LPP: variants seen among roughly 807,000 people sequenced by gnomAD.
LPP encodes lipoma-preferred partner.
Under a neutral mutation model 60.4 loss-of-function variants are expected in LPP, and 38 were observed. The observed-to-expected ratio is 0.63, with a 90% confidence interval of 0.49 to 0.83. The LOEUF (loss-of-function observed/expected upper bound fraction) is 0.83. LPP is among the 40% of genes least tolerant of loss of function. The probability of loss-of-function intolerance (pLI) is 0.00; values close to 1 mark genes in which losing one functional copy is unlikely to be tolerated. For synonymous variants in LPP, 328 were observed against 290.8 expected, an observed-to-expected ratio of 1.13 and a Z score of -1.30; for missense variants, 902 against 783.6, an observed-to-expected ratio of 1.15 and a Z score of -1.80.
At chr3:188,677,274 A>T (rs1046519469) in intron 7 of LPP, among the ~76,000 whole-genome samples, 1 of 152,188 alleles carries the variant, frequency 6.6e-6, no homozygotes, top group African/African-American at 2.4e-5. Context: ...AGCTAATACA[A>T]TTATGTTACT....
intron 6 of LPP, among the ~76,000 whole-genome samples, chr3:188,591,810 T>C (rs1838775645): frequency 6.6e-6 from 1 of 152,240 alleles, no homozygotes; most frequent in Non-Finnish European, 1.5e-5. Flanking sequence ...GACTGGTCTT[T>C]GATATTTAAT....
intron 7 of LPP, among the ~76,000 whole-genome samples, chr3:188,647,328 G>T (rs912894711): frequency 6.6e-6 from 1 of 152,146 alleles, no homozygotes; most frequent in Non-Finnish European, 1.5e-5. Context: ...TGCGGTGCCT[G>T]ATGGAAAGTG....
At chr3:188,854,066 A>G (rs755692586) in intron 9 of LPP, among the ~76,000 whole-genome samples, 4 of 152,314 alleles carry the variant, frequency 2.6e-5, no homozygotes, top group Non-Finnish European at 5.9e-5. Context: ...CTGAAATCCA[A>G]AAAAGACTGC....
intron 2 of LPP, among the ~76,000 whole-genome samples, chr3:188,278,572 G>T (rs901310553): frequency 6.6e-6 from 1 of 152,052 alleles, no homozygotes; most frequent in Non-Finnish European, 1.5e-5. Context: ...TTTATGACAA[G>T]CTAGGGACAG....
intron 9 of LPP, among the ~76,000 whole-genome samples, chr3:188,783,566 G>A (rs542009280): frequency 7.9e-4 from 120 of 152,178 alleles, no homozygotes; most frequent in Admixed American, 1.7e-3. Context: ...GGGTGGAGGG[G>A]GAGAGGAGGG....
At chr3:188,183,726 A>T (rs1472679442) in intron 1 of LPP, among the ~76,000 whole-genome samples, 1 of 123,274 alleles carries the variant, frequency 8.1e-6, no homozygotes, top group Non-Finnish European at 1.6e-5. Context: ...ATCCTGTAAC[A>T]GCCATGGGAG....
At chr3:188,252,066 A>G (rs1250158647) in intron 2 of LPP, among the ~76,000 whole-genome samples, 6 of 117,896 alleles carry the variant, frequency 5.1e-5, no homozygotes, top group African/African-American at 2.0e-4. Flanking sequence ...ATATATATAT[A>G]TATATATATA....
chr3:188,529,714 G>A (rs992692211), intron 6 of LPP, among the ~76,000 whole-genome samples: 3 of 152,224 alleles, frequency 2.0e-5, no homozygotes, highest in Non-Finnish European at 4.4e-5. Context: ...TTGATTCATT[G>A]ATTCATTCAC....
intron 2 of LPP, among the ~76,000 whole-genome samples, chr3:188,243,620 G>T (rs1037519194): frequency 7.9e-5 from 12 of 152,150 alleles, no homozygotes; most frequent in African/African-American, 2.9e-4. Context: ...GATTCTTGCT[G>T]TCCTGGGGTC....
intron 5 of LPP, among the ~76,000 whole-genome samples, chr3:188,502,489 GT>G (rs1339035136): frequency 6.6e-6 from 1 of 151,930 alleles, no homozygotes; most frequent in Non-Finnish European, 1.5e-5. Flanking sequence ...ATTTTAAACT[GT>G]TTGTGTCTTT....
intron 3 of LPP, among the ~76,000 whole-genome samples, chr3:188,348,077 A>G (rs758692659): frequency 1.3e-5 from 2 of 152,146 alleles, no homozygotes; most frequent in Non-Finnish European, 2.9e-5. Flanking sequence ...GTGGCCTTGG[A>G]TAAGTTACTT....
intron 2 of LPP, among the ~76,000 whole-genome samples, chr3:188,276,530 T>A (rs972441391): frequency 1.3e-5 from 2 of 152,216 alleles, no homozygotes; most frequent in African/African-American, 4.8e-5. Flanking sequence ...TGTTGAATTC[T>A]AATCCTCAGT....
rs1370467621 is a variant in LPP, at chr3:188,603,531, G to A, written c.430-5630G>A. Among the ~76,000 whole-genome samples, 3 of 151,976 alleles carry A rather than the reference G, an allele frequency of 2.0e-5. No homozygotes were observed. The East Asian group carries it at 5.8e-4, about 29-fold the overall frequency. On this transcript the variant is annotated intron_variant, in intron 6 of 11. Transcript: ENST00000617246. ...AATCTCTCGTCAATATCTTCTTCTG[G>A]AAAATGAGGATTGGTTTCCGTCTCA...
intron 6 of LPP, among the ~76,000 whole-genome samples, chr3:188,599,341 A>C (rs1347417437): frequency 6.6e-6 from 1 of 152,132 alleles, no homozygotes; most frequent in Non-Finnish European, 1.5e-5. Flanking sequence ...ATGTGAGTGC[A>C]GGCCCTCACC....
At chr3:188,366,786 A>G (rs1771299176) in intron 3 of LPP, among the ~76,000 whole-genome samples, 1 of 152,160 alleles carries the variant, frequency 6.6e-6, no homozygotes, top group Non-Finnish European at 1.5e-5. Context: ...CCCTGAGACA[A>G]ATATTGGCCT....
intron 7 of LPP, among the ~76,000 whole-genome samples, chr3:188,673,302 C>T (rs1363719698): frequency 1.7e-5 from 2 of 119,982 alleles, no homozygotes; most frequent in Non-Finnish European, 3.4e-5. Flanking sequence ...TCATGAATGA[C>T]ATAGGGCCCT....
chr3:188,378,385 C>T (rs1163667231), intron 3 of LPP, among the ~76,000 whole-genome samples: 1 of 152,214 alleles, frequency 6.6e-6, no homozygotes, highest in African/African-American at 2.4e-5. Context: ...GCTTTGTTTA[C>T]CTAATCAAAC....
At chr3:188,813,428 T>C (rs1032616502) in intron 9 of LPP, among the ~76,000 whole-genome samples, 4 of 152,232 alleles carry the variant, frequency 2.6e-5, no homozygotes, top group Admixed American at 6.5e-5. Context: ...TCTTGTTTCA[T>C]TGATATTGAA....
intron 1 of LPP, among the ~76,000 whole-genome samples, chr3:188,193,248 C>T (rs1178342996): frequency 6.6e-6 from 1 of 152,166 alleles, no homozygotes; most frequent in East Asian, 1.9e-4. Flanking sequence ...CCTCCCCTCC[C>T]TCAACCATTA....
Sources: gnomAD v4.1 joint callset for allele counts (sites outside exome capture counted in the v4.1 genomes callset) on GRCh38, gnomAD v4.1.1 for gene constraint, MANE v1.5 for transcripts, NCBI Gene and HGNC (gene_info 2026-07-23, HGNC 2026-07-21) for gene names.